CADPS: variants seen among roughly 807,000 people sequenced by gnomAD.
CADPS encodes calcium dependent secretion activator, also known as calcium-dependent secretion activator 1.
In CADPS, 57 loss-of-function variants were observed where a neutral mutation model predicts 167.3. That is an observed-to-expected ratio of 0.34 (90% CI 0.28 to 0.42). The LOEUF (loss-of-function observed/expected upper bound fraction) is 0.42. Ranked by LOEUF, CADPS falls within the 20% of genes least tolerant of loss-of-function variation. The pLI is 1.00. For synonymous variants in CADPS, 676 were observed against 635.3 expected (o/e 1.06, Z -0.96); for missense variants, 1,414 against 1,738.1 (o/e 0.81, Z 3.32).
intron 3 of CADPS, among the ~76,000 whole-genome samples, chr3:62,713,731 C>G (rs930962171): frequency 6.6e-6 from 1 of 152,124 alleles, no homozygotes; most frequent in Non-Finnish European, 1.5e-5. Context: ...TTTTGGGGCT[C>G]GCCTGCCCTG....
In CADPS at chr3:62,557,513, C is replaced by T. The variant is rs2078366204; in HGVS notation, c.1645G>A (p.Val549Ile). 1.9e-6 allele frequency: 3 copies of T among 1,612,266 alleles called. No individual in the cohort carries two copies. Among genetic ancestry groups the T allele is most frequent in the Non-Finnish European group, 2.5e-6 (3 of 1,178,386 alleles). ...CACATGGCAAACGTGTACTGACTGA[C>T]CTGTTAAGGAAAAGCAGATTGTGAG... ...WKKRFFVLVQ[V>I]SQYTFAMCSY... The change falls in exon 10 of 30, where the codon GTC becomes ATC. Residue 549 changes from valine to isoleucine, a missense_variant and splice_region_variant. Val to Ile is a conservative substitution (Grantham distance 29, BLOSUM62 3). This residue lies in a region of CADPS where 157 missense variants were observed against 229.4 expected (regional missense o/e 0.68). Transcript: ENST00000383710.
intron 1 of CADPS, among the ~76,000 whole-genome samples, chr3:62,825,416 A>C (rs1408946995): frequency 2.0e-5 from 3 of 152,176 alleles, no homozygotes; most frequent in African/African-American, 7.2e-5. Context: ...GCAAATGATC[A>C]GGCCTTACAT....
chr3:62,585,071 T>C, intron 8 of CADPS, 114 bp downstream of exon 8: 1 of 970,676 alleles, frequency 1.0e-6, no homozygotes, highest in Non-Finnish European at 1.5e-6. Context: ...TAATATGAAT[T>C]CTTTATATTT....
chr3:62,805,426 G>A lies in CADPS; in HGVS notation c.442-39442C>T, dbSNP rs73102732. ...GATCACTCCATTAGGAAGCACTAAG[G>A]GATTGGTCTGATTTCACACTGGGGT... On this transcript the variant is annotated intron_variant, in intron 1 of 29. Transcript: ENST00000383710. Among the ~76,000 whole-genome samples, 1,461 of 152,168 alleles carry A rather than the reference G, an allele frequency of 9.6e-3. 14 individuals are homozygous for A. Among genetic ancestry groups the A allele is most frequent in the Non-Finnish European group, 0.014 (973 of 68,020 alleles).
intron 26 of CADPS, among the ~76,000 whole-genome samples, chr3:62,460,524 C>T (rs951173275): frequency 1.3e-5 from 2 of 152,130 alleles, no homozygotes; most frequent in African/African-American, 4.8e-5. Context: ...TACTAACAAA[C>T]TCTGAGGAAT....
At chr3:62,803,076 T>G (rs1229925572) in intron 1 of CADPS, among the ~76,000 whole-genome samples, 2 of 152,114 alleles carry the variant, frequency 1.3e-5, no homozygotes, top group Non-Finnish European at 2.9e-5. Context: ...TGCCTCCTCT[T>G]AGCAACCTCC....
chr3:62,498,247 A>G (rs1176013232), intron 18 of CADPS: 2 of 453,546 alleles, frequency 4.4e-6, no homozygotes, highest in Non-Finnish European at 8.9e-6. Flanking sequence ...GGCTGGATTT[A>G]TGGCGTATTA....
At chr3:62,525,187 C>A (rs2071752598) in intron 13 of CADPS, among the ~76,000 whole-genome samples, 1 of 151,954 alleles carries the variant, frequency 6.6e-6, no homozygotes, top group South Asian at 2.1e-4. Flanking sequence ...GGTAATTTAG[C>A]ATATTTCACA....
At chr3:62,781,333 C>A (rs2091557594) in intron 1 of CADPS, among the ~76,000 whole-genome samples, 1 of 152,132 alleles carries the variant, frequency 6.6e-6, no homozygotes, top group South Asian at 2.1e-4. Flanking sequence ...AACTTGAGGC[C>A]ATGTCAGAAT....
At chr3:62,660,698 C>T (rs547801628) in intron 4 of CADPS, among the ~76,000 whole-genome samples, 81 of 152,304 alleles carry the variant, frequency 5.3e-4, no homozygotes, top group African/African-American at 1.9e-3. Flanking sequence ...TAATAACCCC[C>T]ACCCTCATAT....
chr3:62,403,450 A>G (rs1707164453), intron 28 of CADPS: 2 of 257,106 alleles, frequency 7.8e-6, no homozygotes, highest in South Asian at 1.3e-4. Context: ...GACATTTCCT[A>G]TGTTTCAATT....
At chr3:62,463,327 G>C (rs893755638) in intron 26 of CADPS, among the ~76,000 whole-genome samples, 1 of 152,136 alleles carries the variant, frequency 6.6e-6, no homozygotes, top group South Asian at 2.1e-4. Flanking sequence ...GAGTTTCACA[G>C]GTTCAAGTCC....
At chr3:62,801,219 G>T (rs547000559) in intron 1 of CADPS, among the ~76,000 whole-genome samples, 1 of 152,214 alleles carries the variant, frequency 6.6e-6, no homozygotes, top group East Asian at 1.9e-4. Context: ...AAGAACAGAT[G>T]ATCTACTCCA....
At chr3:62,466,151 A>AATTT (rs1461760882) in intron 25 of CADPS, among the ~76,000 whole-genome samples, 188 bp downstream of exon 25, 2 of 152,206 alleles carry the variant, frequency 1.3e-5, no homozygotes, top group Non-Finnish European at 2.9e-5. Flanking sequence ...CCACTTCATC[A>AATTT]ATTTATCTTC....
At chr3:62,469,105 A>G (rs1259343565) in intron 24 of CADPS, among the ~76,000 whole-genome samples, 1 of 152,220 alleles carries the variant, frequency 6.6e-6, no homozygotes, top group East Asian at 1.9e-4. Flanking sequence ...GCCTCAATTT[A>G]AATATAAGCT....
intron 11 of CADPS, among the ~76,000 whole-genome samples, chr3:62,537,796 C>G (rs1398473488): frequency 6.6e-6 from 1 of 151,838 alleles, no homozygotes; most frequent in Admixed American, 6.6e-5. Context: ...TTAGCAGTGT[C>G]ACTTCCAGAT....
intron 13 of CADPS, among the ~76,000 whole-genome samples, chr3:62,519,118 C>G (rs897193027): frequency 2.0e-5 from 3 of 152,292 alleles, no homozygotes; most frequent in Non-Finnish European, 1.5e-5. Flanking sequence ...CTGTTCCAAA[C>G]TAAATGCAGG....
intron 17 of CADPS, among the ~76,000 whole-genome samples, chr3:62,504,106 A>T (rs2066214541): frequency 6.6e-6 from 1 of 152,238 alleles, no homozygotes; most frequent in Non-Finnish European, 1.5e-5. Context: ...ATCATCTATT[A>T]AAAGCATGAG....
At position 62,629,776 on chromosome 3, in the gene CADPS, G is replaced by GTTTTTGTT. The variant is rs55721041; in HGVS notation, c.1325+15945_1325+15946insAACAAAAA. On this transcript the variant is annotated intron_variant, in intron 6 of 29. Transcript: ENST00000383710. ...GGTACAGTTTTTTTTTTGTTTGTTT[G>GTTTTTGTT]TTTGTTTTTTTCCTGTCCCTTGAAT... is the stretch of plus-strand genomic sequence containing the variant. Among the ~76,000 whole-genome samples the GTTTTTGTT allele has an allele frequency of 4.7e-5, 7 of 149,218 alleles. 1 individual carries two copies. In the South Asian group the frequency reaches 6.4e-4, roughly 14 times the overall value.
Sources: gnomAD v4.1 joint callset for allele counts (sites outside exome capture counted in the v4.1 genomes callset) on GRCh38, gnomAD v4.1.1 for gene constraint, gnomAD v4.1.1 regional missense constraint, MANE v1.5 for transcripts, NCBI Gene and HGNC (gene_info 2026-07-23, HGNC 2026-07-21) for gene names.